The following SCHIP1 variants were observed in gnomAD, a reference collection of about 807,000 sequenced individuals.
SCHIP1 encodes the protein schwannomin interacting protein 1, also known as schwannomin-interacting protein 1.
SCHIP1 carries 8 observed loss-of-function variants against 29.7 expected under a neutral mutation model. The ratio of observed to expected loss-of-function variants is 0.27; its 90% confidence interval spans 0.16 to 0.49. The LOEUF (loss-of-function observed/expected upper bound fraction) is 0.49, where lower values mean the gene tolerates loss of function less well. Ranked by LOEUF, SCHIP1 falls within the 20% of genes least tolerant of loss-of-function variation. SCHIP1 has a pLI of 0.99. For missense variants in SCHIP1, 193 were observed against 294.6 expected, an observed-to-expected ratio of 0.66 and a Z score of 2.52; for synonymous variants, 76 against 94.9, an observed-to-expected ratio of 0.80 and a Z score of 1.16.
the SCHIP1 span, chr3:159,768,236 A>G: frequency 6.6e-6 from 1 of 152,220 alleles, no homozygotes; most frequent in African/African-American, 2.4e-5. Flanking sequence ...CCTATTGACA[A>G]GTCTCTTATT....
the SCHIP1 span, among the ~76,000 whole-genome samples, chr3:159,626,698 G>A: frequency 6.6e-6 from 1 of 152,150 alleles, no homozygotes; most frequent in Non-Finnish European, 1.5e-5. Flanking sequence ...TCAGTTGTGA[G>A]AAGTATCCTT....
At chr3:159,634,648 C>T in the SCHIP1 span, among the ~76,000 whole-genome samples, 1 of 152,194 alleles carries the variant, frequency 6.6e-6, no homozygotes, top group African/African-American at 2.4e-5. Flanking sequence ...GCAGCCCCTG[C>T]ACTGTGTGTG....
the SCHIP1 span, among the ~76,000 whole-genome samples, chr3:159,516,978 A>AT: frequency 4.6e-5 from 7 of 152,002 alleles, no homozygotes; most frequent in South Asian, 2.1e-4. Flanking sequence ...ATTTTTGTTT[A>AT]TTTTTTTTAC....
chr3:159,720,448 AGTAAATAT>A, the SCHIP1 span, among the ~76,000 whole-genome samples: 1 of 152,198 alleles, frequency 6.6e-6, no homozygotes, highest in Non-Finnish European at 1.5e-5. Flanking sequence ...TGCCCTTCTC[AGTAAATAT>A]TAGAAGGAGC....
chr3:159,519,321 A>G, the SCHIP1 span, among the ~76,000 whole-genome samples: 3 of 152,194 alleles, frequency 2.0e-5, no homozygotes, highest in East Asian at 5.8e-4. Flanking sequence ...TGATTTGGCC[A>G]AGTCATTATA....
chr3:159,676,732 C>T, the SCHIP1 span, among the ~76,000 whole-genome samples: 2 of 152,154 alleles, frequency 1.3e-5, no homozygotes, highest in Non-Finnish European at 1.5e-5. Context: ...CTGAGCAGCT[C>T]TTCCCAAGAG....
chr3:159,538,123 G>T, the SCHIP1 span, among the ~76,000 whole-genome samples: 391 of 152,134 alleles, frequency 2.6e-3, 2 homozygotes, highest in African/African-American at 9.1e-3. Flanking sequence ...GGGAGCCCTT[G>T]GACTTAAGAA....
the SCHIP1 span, among the ~76,000 whole-genome samples, chr3:159,324,679 A>G: frequency 6.6e-6 from 1 of 152,100 alleles, no homozygotes. Context: ...ATTATTAGAG[A>G]AGTTAACTTC....
chr3:159,338,290 T>A, the SCHIP1 span, among the ~76,000 whole-genome samples: 2 of 152,050 alleles, frequency 1.3e-5, no homozygotes, highest in Non-Finnish European at 2.9e-5. Flanking sequence ...AAAGCTTCAG[T>A]GAGAAGGTGA....
chr3:159,431,006 C>A, the SCHIP1 span, among the ~76,000 whole-genome samples: 2 of 152,124 alleles, frequency 1.3e-5, no homozygotes, highest in African/African-American at 4.8e-5. Flanking sequence ...GGAAGGAAAT[C>A]GACCTTAGGA....
the SCHIP1 span, chr3:159,375,574 A>C: frequency 6.6e-6 from 1 of 152,422 alleles, no homozygotes; most frequent in Non-Finnish European, 1.5e-5. Context: ...GTCTCTACTA[A>C]AAATACAAAA....
At chr3:159,428,940 G>C in the SCHIP1 span, among the ~76,000 whole-genome samples, 19 of 151,452 alleles carry the variant, frequency 1.3e-4, no homozygotes, top group African/African-American at 4.6e-4. Flanking sequence ...GTAAACTATC[G>C]CAAGAACAAA....
chr3:159,679,089 A>G, the SCHIP1 span, among the ~76,000 whole-genome samples: 523 of 152,302 alleles, frequency 3.4e-3, 5 homozygotes, highest in African/African-American at 0.012. Flanking sequence ...CTACCTCCCA[A>G]TTTAATTCTC....
the SCHIP1 span, among the ~76,000 whole-genome samples, chr3:159,817,986 G>A: frequency 6.6e-6 from 1 of 152,184 alleles, no homozygotes; most frequent in Non-Finnish European, 1.5e-5. Flanking sequence ...TTATCCAATG[G>A]TGAGACAGGC....
At chr3:159,871,073 T>C (rs1715204612) in intron 2 of SCHIP1, among the ~76,000 whole-genome samples, 1 of 152,162 alleles carries the variant, frequency 6.6e-6, no homozygotes, top group Non-Finnish European at 1.5e-5. Flanking sequence ...GTTGGCATGA[T>C]GTTTTCTCAT....
chr3:159,843,776 T>C (rs1428367463), intron 1 of SCHIP1, among the ~76,000 whole-genome samples: 1 of 126,302 alleles, frequency 7.9e-6, no homozygotes, highest in African/African-American at 3.2e-5. Context: ...TGAGCTGAGA[T>C]CACGCCACTG....
chr3:159,342,684 G>A, the SCHIP1 span, among the ~76,000 whole-genome samples: 10 of 152,114 alleles, frequency 6.6e-5, no homozygotes, highest in Admixed American at 2.0e-4. Context: ...ATAATGAACA[G>A]CAATTTAGCA....
At chr3:159,829,653 C>G in the SCHIP1 span, among the ~76,000 whole-genome samples, 1 of 152,176 alleles carries the variant, frequency 6.6e-6, no homozygotes, top group Non-Finnish European at 1.5e-5. Flanking sequence ...TCAAAATCAA[C>G]GAACTTATAA....
the SCHIP1 span, among the ~76,000 whole-genome samples, chr3:159,646,052 T>C: frequency 6.6e-6 from 1 of 152,068 alleles, no homozygotes; most frequent in Non-Finnish European, 1.5e-5. Flanking sequence ...GGGAGATTAG[T>C]CAGAAAGTGG....
Sources: allele counts gnomAD v4.1 joint callset (sites outside exome capture counted in the v4.1 genomes callset), GRCh38; gene constraint gnomAD v4.1.1; transcripts MANE v1.5; gene names NCBI Gene and HGNC (gene_info 2026-07-23, HGNC 2026-07-21).